Variants in ZNF382 observed in about 807,000 individuals in gnomAD.
The protein encoded by ZNF382 is zinc finger protein 382, also known as KRAB/zinc finger suppressor protein 1.
Under a neutral mutation model 38.8 loss-of-function variants are expected in ZNF382, and 20 were observed. That is an observed-to-expected ratio of 0.51 (90% confidence interval 0.36 to 0.75). ZNF382 has a LOEUF of 0.75. Among genes scored for constraint, ZNF382 ranks in the 30% least tolerant of loss-of-function variants. The pLI, the probability that ZNF382 is intolerant of heterozygous loss-of-function variation, is 0.00. For missense variants in ZNF382, 546 were observed against 654.1 expected (o/e 0.83, Z 1.80); for synonymous variants, 202 against 223.1 (o/e 0.91, Z 0.84).
At chr19:36,623,037 T>C (rs992898004) in intron 4 of ZNF382, among the ~76,000 whole-genome samples, 2 of 152,176 alleles carry the variant, frequency 1.3e-5, no homozygotes, top group Admixed American at 1.3e-4. Flanking sequence ...AACATTGTTT[T>C]ATATGACATT....
intron 3 of ZNF382, 89 bp from the exon 4 acceptor site, chr19:36,610,561 T>C: frequency 1.0e-6 from 1 of 994,024 alleles, no homozygotes; most frequent in Non-Finnish European, 1.5e-6. Context: ...GTATACCTCA[T>C]TTACTACCTT....
chr19:36,622,211 G>A (rs899035626), intron 4 of ZNF382, among the ~76,000 whole-genome samples: 2 of 151,988 alleles, frequency 1.3e-5, no homozygotes, highest in East Asian at 3.9e-4. Context: ...AGTGGAGACG[G>A]GGTTTCACTA....
At chr19:36,616,799 G>T (rs2037129213) in intron 4 of ZNF382, among the ~76,000 whole-genome samples, 1 of 152,152 alleles carries the variant, frequency 6.6e-6, no homozygotes, top group Non-Finnish European at 1.5e-5. Flanking sequence ...CTTCTCAGCT[G>T]CAGGTAGTTT....
At chr19:36,611,419 T>C (rs994583176) in intron 4 of ZNF382, among the ~76,000 whole-genome samples, 1 of 152,224 alleles carries the variant, frequency 6.6e-6, no homozygotes, top group Non-Finnish European at 1.5e-5. Context: ...ACATAGTATT[T>C]ATCCTTTTTC....
chr19:36,613,018 C>T (rs1462232145), intron 4 of ZNF382, among the ~76,000 whole-genome samples: 3 of 152,186 alleles, frequency 2.0e-5, no homozygotes, highest in Non-Finnish European at 4.4e-5. Flanking sequence ...GTCTCAAACT[C>T]CTGACCTTGT....
intron 4 of ZNF382, among the ~76,000 whole-genome samples, chr19:36,614,030 T>C (rs915865936): frequency 6.6e-6 from 1 of 152,166 alleles, no homozygotes; most frequent in African/African-American, 2.4e-5. Flanking sequence ...GTAAGTCCTC[T>C]AACTTTATGC....
At chr19:36,610,538 G>C in intron 3 of ZNF382, 112 bp from the exon 4 acceptor site, 1 of 702,396 alleles carries the variant, frequency 1.4e-6, no homozygotes, top group Non-Finnish European at 2.4e-6. Context: ...ATTAACTTTG[G>C]TAAGACATTA....
rs748982869 is a variant in ZNF382 at position 36,634,036 on chromosome 19, A to G, written c.*6486A>G. ...TAAAAAATCTATGCATGTGTAAAAA[A>G]TAGAAGTATACATACAAAAAAGTGA... On this transcript the variant is annotated 3_prime_UTR_variant, in exon 5 of 5. Coordinates refer to ENST00000292928, the MANE Select transcript of ZNF382 (RefSeq NM_032825.5). The G allele has an allele frequency of 2.4e-4, 37 of 152,196 alleles. No individual in the cohort carries two copies. Among genetic ancestry groups the G allele is most frequent in the African/African-American group, 3.9e-4 (16 of 41,454 alleles). The allele number at this position is 152,196 out of a possible 1,614,324, so 9.4% of individuals were successfully genotyped here.
intron 2 of ZNF382, 142 bp from the exon 3 acceptor site, chr19:36,609,760 T>G: frequency 2.6e-6 from 2 of 783,154 alleles, no homozygotes; most frequent in Non-Finnish European, 1.9e-6. Flanking sequence ...TAGCATGAGA[T>G]TATAAGTAAA....
At chr19:36,618,520 C>T (rs1202481806) in intron 4 of ZNF382, among the ~76,000 whole-genome samples, 1 of 152,180 alleles carries the variant, frequency 6.6e-6, no homozygotes, top group Non-Finnish European at 1.5e-5. Flanking sequence ...ATACAGATGA[C>T]TTGTGCTTTC....
rs553940533 is a variant in ZNF382 at position 36,627,918 on chromosome 19, G to C, written c.*368G>C. On this transcript the variant is annotated 3_prime_UTR_variant, in exon 5 of 5. Coordinates refer to ENST00000292928, the MANE Select transcript of ZNF382 (RefSeq NM_032825.5). ...TCCATGGACTACACAGTGAGTAGAG[G>C]TTCTTTAAAAGAAGGAGGTATGAAC... The C allele has an allele frequency of 2.3e-5, 4 of 174,366 alleles. No homozygotes were observed. Among genetic ancestry groups the C allele is most frequent in the South Asian group, 1.3e-4 (1 of 7,418 alleles). 10.8% of individuals were successfully genotyped at this position (174,366 alleles called of 1,614,324 possible). A position where few individuals can be genotyped will look rare whatever the true frequency, so the allele number is the denominator to read the frequency against.
chr19:36,616,931 A>G (rs2037130445), intron 4 of ZNF382, among the ~76,000 whole-genome samples: 1 of 152,024 alleles, frequency 6.6e-6, no homozygotes, highest in Non-Finnish European at 1.5e-5. Flanking sequence ...AGGAGTTCTG[A>G]AGGGCCACCT....
At chr19:36,611,759 C>T (rs2037079619) in intron 4 of ZNF382, among the ~76,000 whole-genome samples, 1 of 152,180 alleles carries the variant, frequency 6.6e-6, no homozygotes, top group Non-Finnish European at 1.5e-5. Context: ...TACATTCCCA[C>T]CAACAGTGTA....
intron 4 of ZNF382, among the ~76,000 whole-genome samples, chr19:36,615,540 A>G (rs956459322): frequency 6.6e-6 from 1 of 152,184 alleles, no homozygotes; most frequent in Non-Finnish European, 1.5e-5. Flanking sequence ...ACCTACACAG[A>G]TAGTATTTAT....
Position 36,626,298 on chromosome 19 carries a change from G to T in ZNF382, c.401G>T (p.Cys134Phe). 6.3e-7 allele frequency: 1 copy of T among 1,598,930 alleles called. No homozygotes were observed. The highest frequency in any genetic ancestry group is 8.5e-7 in the Non-Finnish European group (1 of 1,176,024). Residue 134 changes from cysteine (C) to phenylalanine (F), a missense_variant, in exon 5 of 5, where the codon TGT becomes TTT. Transcript: ENST00000292928. ...AACCGTATTTCAAAAACAATACTAT[G>T]TGAATATAAACCTGATGGAAAAGTT... Reference protein sequence around the residue: ...GKNRISKTILCEYKPDGKVLK... With the variant: ...GKNRISKTILFEYKPDGKVLK...
chr19:36,618,802 C>T (rs1568629775), intron 4 of ZNF382, among the ~76,000 whole-genome samples: 1 of 152,110 alleles, frequency 6.6e-6, no homozygotes, highest in Non-Finnish European at 1.5e-5. Context: ...CTTTGGGAGG[C>T]TGCGACGGGA....
chr19:36,607,641 T>C lies in ZNF382; in HGVS notation c.-14+19T>C, dbSNP rs563890716. The C allele has an allele frequency of 6.6e-7, 1 of 1,515,362 alleles. No individual in the cohort carries two copies. The highest frequency in any genetic ancestry group is 1.4e-5 in the African/African-American group (1 of 71,526). 93.9% of individuals were successfully genotyped at this position (1,515,362 alleles called of 1,614,324 possible). A position where few individuals can be genotyped will look rare whatever the true frequency, so the allele number is the denominator to read the frequency against. ...GTCTCAGGTGAGATGATGTTTCCTCTCTTTCTGAAATAACTTTTTTTCATG... is the reference window on the plus strand; with the variant it reads ...GTCTCAGGTGAGATGATGTTTCCTCCCTTTCTGAAATAACTTTTTTTCATG... On this transcript the variant is annotated intron_variant, in intron 2 of 4. Coordinates refer to ENST00000292928, the MANE Select transcript of ZNF382 (RefSeq NM_032825.5).
chr19:36,614,247 G>A (rs1337061763), intron 4 of ZNF382, among the ~76,000 whole-genome samples: 1 of 152,160 alleles, frequency 6.6e-6, no homozygotes, highest in Non-Finnish European at 1.5e-5. Flanking sequence ...GGCTGAGGCA[G>A]GAGAATTGCT....
chr19:36,614,914 C>CTTTCCTTTCCTTCCCTTCCCTTTCCGT (rs752527955), intron 4 of ZNF382, among the ~76,000 whole-genome samples: 989 of 90,798 alleles, frequency 0.011, 70 homozygotes, highest in Middle Eastern at 0.029. Context: ...CTTTCCTTTC[C>CTTTCCTTTCCTTCCCTTCCCTTTCCGT]TTCCCTTTCC....
Sources: gnomAD v4.1 joint callset for allele counts (sites outside exome capture counted in the v4.1 genomes callset) on GRCh38, gnomAD v4.1.1 for gene constraint, MANE v1.5 for transcripts, NCBI Gene and HGNC (gene_info 2026-07-23, HGNC 2026-07-21) for gene names.